TNFRSF8: variants seen among roughly 807,000 people sequenced by gnomAD.
TNFRSF8 encodes TNF receptor superfamily member 8.
A neutral mutation model predicts 70.8 loss-of-function variants in TNFRSF8; 26 were observed. The observed-to-expected ratio is 0.37, with a 90% CI of 0.27 to 0.51. TNFRSF8 has a LOEUF of 0.51. Among genes scored for constraint, TNFRSF8 ranks in the 20% least tolerant of loss-of-function variants. TNFRSF8 has a pLI of 0.94. For missense variants in TNFRSF8, 720 were observed against 807.9 expected, an observed-to-expected ratio of 0.89 and a Z score of 1.32; for synonymous variants, 356 against 339.2, an observed-to-expected ratio of 1.05 and a Z score of -0.54.
At chr1:12,065,505 C>T (rs908994399) in intron 1 of TNFRSF8, among the ~76,000 whole-genome samples, 8 of 152,218 alleles carry the variant, frequency 5.3e-5, no homozygotes, top group African/African-American at 1.9e-4. Flanking sequence ...ACCGCCTCAT[C>T]CTGATCCCTT....
chr1:12,068,442 C>CAGA (rs1325593551), intron 1 of TNFRSF8, among the ~76,000 whole-genome samples: 1 of 152,102 alleles, frequency 6.6e-6, no homozygotes. Flanking sequence ...ACTAGACACG[C>CAGA]AGAATGTCAA....
chr1:12,103,370 A>C (rs914585471), intron 3 of TNFRSF8, among the ~76,000 whole-genome samples: 3 of 152,110 alleles, frequency 2.0e-5, no homozygotes, highest in Non-Finnish European at 4.4e-5. Flanking sequence ...AAAAAAAATT[A>C]ATAAACTATT....
At chr1:12,117,426 G>A (rs1459906089) in intron 8 of TNFRSF8, among the ~76,000 whole-genome samples, 1 of 152,148 alleles carries the variant, frequency 6.6e-6, no homozygotes, top group Admixed American at 6.5e-5. Context: ...AATATCCGGG[G>A]AAAGTTCGGG....
At chr1:12,100,183 T>C (rs928215035) in intron 3 of TNFRSF8, among the ~76,000 whole-genome samples, 3 of 151,444 alleles carry the variant, frequency 2.0e-5, no homozygotes, top group Non-Finnish European at 4.4e-5. Flanking sequence ...AAAAATATGA[T>C]ATGAAAGATA....
chr1:12,099,382 T>G (rs1641381618), intron 3 of TNFRSF8, among the ~76,000 whole-genome samples: 1 of 152,066 alleles, frequency 6.6e-6, no homozygotes, highest in Non-Finnish European at 1.5e-5. Flanking sequence ...TGACCTCAAG[T>G]GATCCAGCCG....
chr1:12,084,431 C>T (rs1293749259), intron 1 of TNFRSF8, 33 bp from the exon 2 acceptor site: 2 of 1,598,044 alleles, frequency 1.3e-6, no homozygotes, highest in Non-Finnish European at 1.7e-6. Context: ...ATCTGGGATC[C>T]ACCTGGCCTC....
rs544800401 is a variant in TNFRSF8 at position 12,109,921 on chromosome 1, G to C, written c.513-120G>C. ...GCTCCCAGGAGCTTACAGTGGGCCC[G>C]CCAGAGGCAGTGGGCCAAGGGCCTG... On this transcript the variant is annotated intron_variant, in intron 5 of 14. Coordinates refer to ENST00000263932, the MANE Select transcript of TNFRSF8 (RefSeq NM_001243.5). This position sits in a 1 kb window ranked among gnomAD's most constrained non-coding sequence, Gnocchi z 4.4. 2.3e-6 allele frequency: 3 copies of C among 1,283,376 alleles called. No individual in the cohort carries two copies. In the African/African-American group the frequency reaches 4.5e-5, roughly 19 times the overall value. The allele number at this position is 1,283,376 out of a possible 1,614,324, so 79.5% of individuals were successfully genotyped here.
chr1:12,111,353 C>CT (rs1364079929), intron 6 of TNFRSF8, among the ~76,000 whole-genome samples: 1 of 151,544 alleles, frequency 6.6e-6, no homozygotes, highest in African/African-American at 2.4e-5. Flanking sequence ...GGCTACTTTT[C>CT]TTTTTTTTAG....
At chr1:12,097,749 G>C (rs191452573) in intron 3 of TNFRSF8, among the ~76,000 whole-genome samples, 234 of 152,042 alleles carry the variant, frequency 1.5e-3, no homozygotes, top group African/African-American at 5.4e-3. Flanking sequence ...GGATTTTTTT[G>C]GGGGGTAGGG....
chr1:12,096,936 C>T (rs1641341067), intron 2 of TNFRSF8, among the ~76,000 whole-genome samples, 165 bp from the exon 3 acceptor site: 1 of 152,250 alleles, frequency 6.6e-6, no homozygotes, highest in Non-Finnish European at 1.5e-5. Flanking sequence ...GGTTGCCCCT[C>T]CTGGGTGTCA....
intron 1 of TNFRSF8, among the ~76,000 whole-genome samples, chr1:12,075,455 A>G (rs1244727298): frequency 2.0e-5 from 3 of 152,200 alleles, no homozygotes; most frequent in Non-Finnish European, 4.4e-5. Flanking sequence ...GGGAAATGAC[A>G]GTGAAGAGCT....
Position 12,088,969 on chromosome 1 carries a change from C to T in TNFRSF8, c.151+4418C>T, listed in dbSNP as rs551663269. 1.3e-5 allele frequency among the ~76,000 whole-genome samples: 2 copies of T among 152,268 alleles called. No homozygotes were observed. Among genetic ancestry groups the T allele is most frequent in the South Asian group, 4.2e-4 (2 of 4,818 alleles). ...CCTCTGACACTGTCCCAGCAGAGCC[C>T]CCTCACAGCACCTCCTGGCCCCCCA... On this transcript the variant is annotated intron_variant, in intron 2 of 14. Transcript: ENST00000263932. The surrounding 1 kb of genome is among the most constrained non-coding windows in gnomAD (Gnocchi z 4.0).
rs1415374167 is a variant in TNFRSF8 at position 12,110,256 on chromosome 1, G to A, written c.676+52G>A. On this transcript the variant is annotated intron_variant, in intron 6 of 14. Transcript: ENST00000263932. This position sits in a 1 kb window ranked among gnomAD's most constrained non-coding sequence, Gnocchi z 4.0. ...GTCTCCCTGGGGTGCTCGATTGGTG[G>A]ATGGCCCATGAGTGGGGGTGTTTGG... 6.6e-7 allele frequency: 1 copy of A among 1,515,118 alleles called. No homozygotes were observed. Among genetic ancestry groups the A allele is most frequent in the Non-Finnish European group, 8.8e-7 (1 of 1,130,106 alleles). The allele number at this position is 1,515,118 out of a possible 1,614,324, so 93.9% of individuals were successfully genotyped here.
At chr1:12,089,939 C>T (rs1384327098) in intron 2 of TNFRSF8, among the ~76,000 whole-genome samples, 3 of 151,288 alleles carry the variant, frequency 2.0e-5, no homozygotes, top group Non-Finnish European at 4.4e-5. Context: ...TCCATCCATC[C>T]ATCCATCTAC....
chr1:12,123,544 G>A (rs1271305784), intron 9 of TNFRSF8, among the ~76,000 whole-genome samples, 167 bp downstream of exon 9: 2 of 152,214 alleles, frequency 1.3e-5, no homozygotes, highest in Non-Finnish European at 2.9e-5. Context: ...TGGAAAGCCA[G>A]AAGGCCTTGA....
intron 8 of TNFRSF8, 25 bp downstream of exon 8, chr1:12,115,754 C>G: frequency 6.2e-7 from 1 of 1,610,682 alleles, no homozygotes; most frequent in African/African-American, 1.3e-5. Flanking sequence ...CCCCAGGCCT[C>G]GACCACAGGG....
intron 2 of TNFRSF8, among the ~76,000 whole-genome samples, chr1:12,086,018 C>A (rs1318463295): frequency 6.6e-6 from 1 of 152,184 alleles, no homozygotes; most frequent in African/African-American, 2.4e-5. Flanking sequence ...GGACAGCAGG[C>A]CATTGCAAGT....
intron 12 of TNFRSF8, among the ~76,000 whole-genome samples, chr1:12,128,903 G>A (rs1641995450): frequency 7.3e-6 from 1 of 137,774 alleles, no homozygotes; most frequent in Non-Finnish European, 1.5e-5. Flanking sequence ...GGTGCCATCT[G>A]GGTTCACTGC....
intron 8 of TNFRSF8, among the ~76,000 whole-genome samples, chr1:12,121,002 C>T (rs938679588): frequency 1.3e-5 from 2 of 152,210 alleles, no homozygotes; most frequent in Admixed American, 1.3e-4. Context: ...TTACATCAGG[C>T]TGCCTTGGAG....
Sources: allele counts gnomAD v4.1 joint callset (sites outside exome capture counted in the v4.1 genomes callset), GRCh38; gene constraint gnomAD v4.1.1; non-coding constraint Gnocchi (gnomAD v3.1); transcripts MANE v1.5; gene names NCBI Gene and HGNC (gene_info 2026-07-23, HGNC 2026-07-21).